KDM2B: variants seen among roughly 807,000 people sequenced by gnomAD.
KDM2B encodes the protein lysine demethylase 2B, also known as lysine-specific demethylase 2B.
A neutral mutation model predicts 150.0 loss-of-function variants in KDM2B; 26 were observed. The ratio of observed to expected loss-of-function variants is 0.17; its 90% confidence interval spans 0.13 to 0.24. The LOEUF is 0.24. Ranked by LOEUF, KDM2B falls within the 10% of genes least tolerant of loss-of-function variation. The pLI is 1.00. For synonymous variants in KDM2B, 734 were observed against 729.5 expected (o/e 1.01, Z -0.10); for missense variants, 1,265 against 1,816.9 (o/e 0.70, Z 5.52).
chr12:121,477,833 C>T lies in KDM2B; in HGVS notation c.1734+16746G>A, dbSNP rs113458072. 1.7e-3 allele frequency among the ~76,000 whole-genome samples: 264 copies of T among 152,232 alleles called. 1 individual carries two copies. Among genetic ancestry groups the T allele is most frequent in the African/African-American group, 6.1e-3 (255 of 41,554 alleles). On this transcript the variant is annotated intron_variant, in intron 12 of 22. Transcript: ENST00000377071. ...CCTCGGGTGATCCACCTGCCTTGGC[C>T]TCCCAAAGTGCTAGGATTACAGGTG...
chr12:121,449,201 TG>T (rs1159837790), intron 13 of KDM2B, among the ~76,000 whole-genome samples: 4 of 81,590 alleles, frequency 4.9e-5, no homozygotes, highest in African/African-American at 2.0e-4. Context: ...GGGGCGCATG[TG>T]GGGGGGCAGA....
chr12:121,410,733 A>T, the KDM2B span, among the ~76,000 whole-genome samples: 2 of 152,168 alleles, frequency 1.3e-5, no homozygotes, highest in South Asian at 2.1e-4. Flanking sequence ...TCACTGGGAG[A>T]TCATGTTCTC....
At chr12:121,536,478 T>C (rs1385268527) in intron 6 of KDM2B, among the ~76,000 whole-genome samples, 1 of 152,164 alleles carries the variant, frequency 6.6e-6, no homozygotes, top group Non-Finnish European at 1.5e-5. Flanking sequence ...TCCTCACCTG[T>C]AGGCCGGCTG....
At chr12:121,517,986 G>A (rs543740877) in intron 9 of KDM2B, among the ~76,000 whole-genome samples, 11 of 152,026 alleles carry the variant, frequency 7.2e-5, no homozygotes, top group East Asian at 5.8e-4. Flanking sequence ...TTTGCCTCCC[G>A]GGTTCAAGCA....
chr12:121,478,278 C>A (rs1881614922), intron 12 of KDM2B, among the ~76,000 whole-genome samples: 1 of 151,854 alleles, frequency 6.6e-6, no homozygotes. Context: ...TTTCGCCACT[C>A]CGGTAGTAAG....
chr12:121,532,600 G>GAT (rs1887755875), intron 8 of KDM2B, among the ~76,000 whole-genome samples: 1 of 152,228 alleles, frequency 6.6e-6, no homozygotes. Context: ...AAGGGAGAGA[G>GAT]AATTCCAGCC....
At chr12:121,558,314 G>T (rs1380183090) in intron 4 of KDM2B, among the ~76,000 whole-genome samples, 1 of 152,120 alleles carries the variant, frequency 6.6e-6, no homozygotes, top group African/African-American at 2.4e-5. Flanking sequence ...GTGGTTCTGG[G>T]TGGGCACGTG....
intron 4 of KDM2B, among the ~76,000 whole-genome samples, chr12:121,568,766 G>A (rs1370030455): frequency 1.3e-5 from 2 of 151,366 alleles, no homozygotes; most frequent in Non-Finnish European, 2.9e-5. Context: ...ATCGAGCTAC[G>A]TGGTTACCAT....
intron 2 of KDM2B, among the ~76,000 whole-genome samples, chr12:121,576,404 G>A (rs1302979159): frequency 6.6e-6 from 1 of 152,114 alleles, no homozygotes; most frequent in East Asian, 1.9e-4. Context: ...CGGTTTCCCT[G>A]GAAACTGTGT....
intron 12 of KDM2B, among the ~76,000 whole-genome samples, chr12:121,490,974 C>G (rs1883280117): frequency 6.6e-6 from 1 of 152,188 alleles, no homozygotes; most frequent in Non-Finnish European, 1.5e-5. Flanking sequence ...CTTGATCTTT[C>G]ACCCCAACCT....
Position 121,430,749 on chromosome 12 carries a change from C to T in KDM2B, c.3830-280G>A, listed in dbSNP as rs1035433829. ...TACCACACAGCTGCCTCTATACGTG[C>T]GTATGCTCATGTAAGTAGTTCTATG... On this transcript the variant is annotated intron_variant, in intron 22 of 22. Coordinates refer to ENST00000377071, the MANE Select transcript of KDM2B (RefSeq NM_032590.5). This position sits in a 1 kb window ranked among gnomAD's most constrained non-coding sequence, Gnocchi z 4.4. The T allele has an allele frequency of 1.2e-5, 7 of 563,294 alleles. No homozygotes were observed. Among genetic ancestry groups the T allele is most frequent in the Middle Eastern group, 4.6e-4 (1 of 2,176 alleles). 34.9% of individuals were successfully genotyped at this position (563,294 alleles called of 1,614,324 possible).
chr12:121,414,931 C>T, the KDM2B span, among the ~76,000 whole-genome samples: 1 of 152,144 alleles, frequency 6.6e-6, no homozygotes, highest in South Asian at 2.1e-4. Flanking sequence ...CCTGTGTCTA[C>T]CAAAACTACA....
In KDM2B at chr12:121,537,805, C is replaced by A. The variant is rs1229493603; in HGVS notation, c.684-3215G>T. ...ACCCGACCCCGGGAGACACAAAGAG[C>A]GGCTCCGCGACGCCGGCCCTGTAGC... is the stretch of plus-strand genomic sequence containing the variant. On this transcript the variant is annotated intron_variant, in intron 6 of 22. Coordinates refer to ENST00000377071, the MANE Select transcript of KDM2B (RefSeq NM_032590.5). This position sits in a 1 kb window ranked among gnomAD's most constrained non-coding sequence, Gnocchi z 8.7. 6.6e-6 allele frequency among the ~76,000 whole-genome samples: 1 copy of A among 151,860 alleles called. No individual in the cohort carries two copies. Among genetic ancestry groups the A allele is most frequent in the African/African-American group, 2.4e-5 (1 of 41,374 alleles).
intron 12 of KDM2B, among the ~76,000 whole-genome samples, chr12:121,466,847 C>T (rs1314804249): frequency 1.4e-5 from 2 of 145,784 alleles, no homozygotes; most frequent in East Asian, 2.0e-4. Flanking sequence ...GCAACTTGCC[C>T]CGGGCCGTGG....
At chr12:121,498,965 A>G (rs117626034) in intron 11 of KDM2B, among the ~76,000 whole-genome samples, 8,333 of 152,028 alleles carry the variant, frequency 0.055, 315 homozygotes, top group Middle Eastern at 0.099. Flanking sequence ...ATGCACCACC[A>G]CGACCGACTA....
At chr12:121,471,041 T>C (rs1264637827) in intron 12 of KDM2B, among the ~76,000 whole-genome samples, 1 of 152,258 alleles carries the variant, frequency 6.6e-6, no homozygotes, top group Non-Finnish European at 1.5e-5. Flanking sequence ...AAATTTCCTA[T>C]AGTTAACTGG....
intron 3 of KDM2B, among the ~76,000 whole-genome samples, 165 bp from the exon 4 acceptor site, chr12:121,574,758 T>C (rs1468950685): frequency 2.6e-5 from 4 of 152,108 alleles, no homozygotes; most frequent in African/African-American, 4.8e-5. Context: ...AGTTGATGCC[T>C]CCAGGGAGGG....
the KDM2B span, among the ~76,000 whole-genome samples, chr12:121,422,152 G>A: frequency 7.2e-5 from 11 of 152,202 alleles, no homozygotes; most frequent in African/African-American, 1.9e-4. Flanking sequence ...ACTTTGCGGC[G>A]TAGGATATAA....
chr12:121,421,381 A>AAAC, the KDM2B span, among the ~76,000 whole-genome samples: 62 of 144,628 alleles, frequency 4.3e-4, 1 homozygote, highest in Middle Eastern at 3.4e-3. Context: ...TAAAAAAAAA[A>AAAC]AAAAAAAAAA....
Sources: gnomAD v4.1 joint callset for allele counts (sites outside exome capture counted in the v4.1 genomes callset) on GRCh38, gnomAD v4.1.1 for gene constraint, Gnocchi (gnomAD v3.1) non-coding constraint, MANE v1.5 for transcripts, NCBI Gene and HGNC (gene_info 2026-07-23, HGNC 2026-07-21) for gene names.